The following NUP210L variants were observed in gnomAD, a reference collection of about 807,000 sequenced individuals.
NUP210L encodes nuclear pore membrane glycoprotein 210-like.
A neutral mutation model predicts 208.5 loss-of-function variants in NUP210L; 74 were observed. The observed-to-expected ratio is 0.35, with a 90% CI of 0.29 to 0.43. The LOEUF (loss-of-function observed/expected upper bound fraction) is 0.43, where lower values mean the gene tolerates loss of function less well. NUP210L is among the 20% of genes least tolerant of loss of function. The pLI is 1.00. For synonymous variants in NUP210L, 780 were observed against 816.9 expected, an observed-to-expected ratio of 0.95 and a Z score of 0.77; for missense variants, 1,843 against 2,289.4, an observed-to-expected ratio of 0.81 and a Z score of 3.98.
chr1:154,088,245 G>C (rs776671972), intron 16 of NUP210L, among the ~76,000 whole-genome samples: 1 of 151,900 alleles, frequency 6.6e-6, no homozygotes, highest in African/African-American at 2.4e-5. Context: ...GGTTGAGTTG[G>C]GAAAATCAAC....
rs557033644 is a variant in NUP210L at position 154,055,255 on chromosome 1, CTCTT to C, written c.3241-427_3241-424del. On this transcript the variant is annotated intron_variant, in intron 23 of 39. Transcript: ENST00000368559. ...TTTCTTTCTTTGTCTCTCTCTCTCT[CTCTT>C]TTTCTTTTTGAGAAGGAGTTTCGCT... Among the ~76,000 whole-genome samples, 895 of 149,860 alleles carry C rather than the reference CTCTT, an allele frequency of 6.0e-3. 4 individuals are homozygous for C. The highest frequency in any genetic ancestry group is 0.01 in the Non-Finnish European group (702 of 67,528).
intron 12 of NUP210L, among the ~76,000 whole-genome samples, chr1:154,110,353 C>A (rs1656980616): frequency 6.7e-6 from 1 of 149,800 alleles, no homozygotes. Flanking sequence ...CTCACTGCAA[C>A]CTCCACCTCC....
intron 27 of NUP210L, among the ~76,000 whole-genome samples, chr1:154,043,628 CT>C (rs898755429): frequency 1.2e-3 from 155 of 131,960 alleles, no homozygotes; most frequent in East Asian, 1.1e-3. Flanking sequence ...TGCACCCGGC[CT>C]TTTTTTTTTT....
At chr1:154,075,227 T>A (rs1460098310) in intron 16 of NUP210L, among the ~76,000 whole-genome samples, 1 of 152,110 alleles carries the variant, frequency 6.6e-6, no homozygotes, top group Non-Finnish European at 1.5e-5. Context: ...AGCTTGTAAA[T>A]AAAATTTGTT....
chr1:154,147,757 G>A (rs1033008092), intron 2 of NUP210L, among the ~76,000 whole-genome samples: 1 of 150,684 alleles, frequency 6.6e-6, no homozygotes, highest in Non-Finnish European at 1.5e-5. Context: ...TGGGGTTCAA[G>A]CAATCCTCGT....
At chr1:154,097,182 T>A (rs912597080) in intron 14 of NUP210L, among the ~76,000 whole-genome samples, 2 of 152,160 alleles carry the variant, frequency 1.3e-5, no homozygotes, top group Admixed American at 6.6e-5. Context: ...TTTTCTTAGA[T>A]GTATAGTCAA....
intron 25 of NUP210L, among the ~76,000 whole-genome samples, chr1:154,052,957 T>C (rs1463312628): frequency 1.3e-5 from 2 of 152,086 alleles, no homozygotes; most frequent in Admixed American, 1.3e-4. Context: ...ATGGCAAGAG[T>C]TCCTACTATC....
exon 36 of NUP210L, chr1:154,001,963 C>T (rs766457473): frequency 1.9e-6 from 3 of 1,613,922 alleles, no homozygotes; most frequent in Non-Finnish European, 2.5e-6. Flanking sequence ...GCGGTCGAAC[C>T]TTGATTATGC....
rs1651127608 is a variant in NUP210L, at chr1:154,014,430, C to T, written c.4654-2060G>A. Among the ~76,000 whole-genome samples, 3 of 152,072 alleles carry T rather than the reference C, an allele frequency of 2.0e-5. No homozygotes were observed. In the South Asian group the frequency reaches 6.2e-4, roughly 31 times the overall value. ...CCTAATCCCTTCTCAGTCTCTTTTT[C>T]TAGTACTCTTTTCATGCTACCTCTG... On this transcript the variant is annotated intron_variant, in intron 33 of 39. Coordinates refer to ENST00000368559, the Ensembl canonical transcript of NUP210L.
chr1:154,119,442 A>G (rs1657497805), intron 10 of NUP210L, among the ~76,000 whole-genome samples: 1 of 152,212 alleles, frequency 6.6e-6, no homozygotes, highest in Admixed American at 6.6e-5. Flanking sequence ...ACAAAAAATC[A>G]GCTGAGCGTG....
chr1:154,130,798 T>C (rs1658208745), intron 7 of NUP210L, among the ~76,000 whole-genome samples: 2 of 151,762 alleles, frequency 1.3e-5, no homozygotes, highest in Admixed American at 6.6e-5. Flanking sequence ...TTGCCTAGAC[T>C]GGTCTTAAAC....
chr1:154,044,355 C>T (rs1302617654), intron 27 of NUP210L, among the ~76,000 whole-genome samples: 1 of 150,134 alleles, frequency 6.7e-6, no homozygotes, highest in Non-Finnish European at 1.5e-5. Flanking sequence ...TGCAGTGAGC[C>T]GAGATCGTAC....
intron 23 of NUP210L, among the ~76,000 whole-genome samples, chr1:154,055,147 C>CTT (rs1227540561): frequency 4.6e-5 from 4 of 87,002 alleles, no homozygotes; most frequent in African/African-American, 2.5e-4. Flanking sequence ...TTCTTTCTTT[C>CTT]TTTCTTTCTT....
chr1:154,085,844 C>T (rs1655596386), intron 16 of NUP210L, among the ~76,000 whole-genome samples: 1 of 151,988 alleles, frequency 6.6e-6, no homozygotes, highest in African/African-American at 2.4e-5. Context: ...ACAAGAGTGC[C>T]AAGACAACTC....
At chr1:154,053,511 G>A (rs1262994948) in intron 25 of NUP210L, among the ~76,000 whole-genome samples, 1 of 152,212 alleles carries the variant, frequency 6.6e-6, no homozygotes, top group African/African-American at 2.4e-5. Flanking sequence ...TGTTCGTTAT[G>A]GCCATGATGC....
chr1:154,094,906 G>T, intron 15 of NUP210L, 29 bp downstream of exon 15: 2 of 1,550,474 alleles, frequency 1.3e-6, no homozygotes, highest in Non-Finnish European at 8.9e-7. Flanking sequence ...TTACACTAAA[G>T]AAAATGTTAT....
At chr1:154,137,988 C>T (rs564139480) in intron 6 of NUP210L, 118 bp downstream of exon 6, 1 of 722,618 alleles carries the variant, frequency 1.4e-6, no homozygotes, top group Admixed American at 3.3e-5. Flanking sequence ...GCAATTAACA[C>T]TTTACCACAA....
intron 25 of NUP210L, among the ~76,000 whole-genome samples, chr1:154,052,055 G>T (rs1402348430): frequency 6.6e-6 from 1 of 152,222 alleles, no homozygotes; most frequent in Admixed American, 6.5e-5. Flanking sequence ...GTATGCAACT[G>T]AATCTAGCAT....
intron 33 of NUP210L, among the ~76,000 whole-genome samples, chr1:154,013,643 C>T (rs6672856): frequency 0.28 from 43,287 of 152,058 alleles, 6,501 homozygotes; most frequent in Admixed American, 0.39. Context: ...CAACTTTCTT[C>T]AGGACATTTT....
Sources: gnomAD v4.1 joint callset for allele counts (sites outside exome capture counted in the v4.1 genomes callset) on GRCh38, gnomAD v4.1.1 for gene constraint, MANE v1.5 for transcripts, NCBI Gene and HGNC (gene_info 2026-07-23, HGNC 2026-07-21) for gene names.